Variants in GPRC6A observed in about 807,000 individuals in gnomAD.
GPRC6A encodes the protein G protein-coupled receptor family C group 6 member A.
Under a neutral mutation model 47.0 loss-of-function variants are expected in GPRC6A, and 54 were observed. The ratio of observed to expected loss-of-function variants is 1.15; its 90% confidence interval spans 0.92 to 1.44. The LOEUF (loss-of-function observed/expected upper bound fraction) is 1.44. Among genes scored for constraint, GPRC6A ranks in the 40% most tolerant of loss-of-function variants. GPRC6A has a pLI of 0.00. For missense variants in GPRC6A, 1,112 were observed against 1,105.5 expected (o/e 1.01, Z -0.08); for synonymous variants, 347 against 377.1 (o/e 0.92, Z 0.93).
chr6:116,797,311 A>G (rs890329491), intron 4 of GPRC6A, among the ~76,000 whole-genome samples: 13 of 152,140 alleles, frequency 8.5e-5, no homozygotes, highest in Non-Finnish European at 1.6e-4. Flanking sequence ...ATAAAGCCAG[A>G]CATTGTTAGG....
At chr6:116,795,870 AT>A (rs1232546600) in intron 4 of GPRC6A, 35 bp from the exon 5 acceptor site, 2 of 1,446,198 alleles carry the variant, frequency 1.4e-6, no homozygotes, top group African/African-American at 1.4e-5. Context: ...TCACAAGTAA[AT>A]TTGTAAAAAA....
At position 116,806,975 on chromosome 6, in the gene GPRC6A, C is replaced by A. The variant is rs1772866829; in HGVS notation, c.730G>T (p.Val244Phe). 2.5e-6 allele frequency: 4 copies of A among 1,613,530 alleles called. No individual in the cohort carries two copies. The highest frequency in any genetic ancestry group is 1.1e-5 in the South Asian group (1 of 91,064). The change falls in exon 3 of 6, where the codon GTT becomes TTT. Residue 244 changes from valine (V) to phenylalanine (F), a missense_variant. Coordinates refer to ENST00000310357, the MANE Select transcript of GPRC6A (RefSeq NM_148963.4). ...ANNVCIAFKE[V>F]LPAFLSDNTI... is the part of the protein sequence containing the mutation. ...TTATCTGAAAGAAAGGCTGGAAGAA[C>A]CTCTTTGAAGGCTATGCACACGTTA... is the stretch of plus-strand genomic sequence containing the variant.
Position 116,792,332 on chromosome 6 carries a change from A to G in GPRC6A, c.2591T>C (p.Ile864Thr), listed in dbSNP as rs750092727. ...YSYSSHSVSS[I>T]ALSPASLDSM... is the part of the protein sequence containing the mutation. ...GTCCAGTGAAGCAGGACTCAGGGCA[A>G]TGCTGCTCACACTATGGGAAGAATA... Residue 864 changes from isoleucine (I) to threonine (T), a missense_variant, in exon 6 of 6, where the codon ATT becomes ACT. Coordinates refer to ENST00000310357, the MANE Select transcript of GPRC6A (RefSeq NM_148963.4). 1.2e-6 allele frequency: 2 copies of G among 1,614,064 alleles called. No homozygotes were observed. The highest frequency in any genetic ancestry group is 2.2e-5 in the South Asian group (2 of 91,078).
chr6:116,827,811 C>T (rs564531891), intron 1 of GPRC6A, among the ~76,000 whole-genome samples: 1 of 151,754 alleles, frequency 6.6e-6, no homozygotes, highest in African/African-American at 2.4e-5. Flanking sequence ...GCTAAAAGTG[C>T]CCAACTTTTA....
chr6:116,807,837 T>A (rs2076834229), intron 2 of GPRC6A, among the ~76,000 whole-genome samples: 1 of 152,200 alleles, frequency 6.6e-6, no homozygotes, highest in African/African-American at 2.4e-5. Flanking sequence ...TTCTGACTCC[T>A]GATGAAGTCA....
In GPRC6A at chr6:116,793,060, T is replaced by A. The variant is rs6924002; in HGVS notation, c.1863A>T (p.Thr621=). Residue 621 remains threonine, a synonymous_variant, in exon 6 of 6, where the codon ACA becomes ACT. Transcript: ENST00000310357. Reference sequence around the variant, plus strand: ...ATCCCCCGGATGATTTCACAACAGGTGTGTTCAGGTTTCTTGTAAATATTA... The same window carrying A: ...ATCCCCCGGATGATTTCACAACAGGAGTGTTCAGGTTTCTTGTAAATATTA... The part of the protein sequence containing the change: ...VGIIFTRNLN[T]PVVKSSGGLR... The A allele has an allele frequency of 0.32, 508,388 of 1,613,426 alleles. 82,765 individuals carry two copies. The highest frequency in any genetic ancestry group is 0.52 in the East Asian group (23,394 of 44,850).
intron 4 of GPRC6A, among the ~76,000 whole-genome samples, chr6:116,797,166 G>C (rs1181282514): frequency 6.6e-6 from 1 of 151,986 alleles, no homozygotes; most frequent in African/African-American, 2.4e-5. Context: ...AGTTTACTGA[G>C]AATGATGATT....
At chr6:116,812,924 A>T (rs1009411948) in intron 1 of GPRC6A, among the ~76,000 whole-genome samples, 5 of 152,224 alleles carry the variant, frequency 3.3e-5, no homozygotes, top group Non-Finnish European at 7.3e-5. Flanking sequence ...AGAATACAAA[A>T]TCAATGTGCA....
At chr6:116,816,584 G>C (rs927387154) in intron 1 of GPRC6A, among the ~76,000 whole-genome samples, 1 of 152,194 alleles carries the variant, frequency 6.6e-6, no homozygotes, top group African/African-American at 2.4e-5. Flanking sequence ...CAGCATGAGC[G>C]ACGCAGAAGA....
At chr6:116,795,264 A>G (rs1512655) in intron 5 of GPRC6A, among the ~76,000 whole-genome samples, 112,282 of 152,032 alleles carry the variant, frequency 0.74, 41,689 homozygotes, top group Middle Eastern at 0.84. Context: ...GAAATAATAA[A>G]AGTGCCAGGA....
At chr6:116,820,225 C>T (rs978449891) in intron 1 of GPRC6A, among the ~76,000 whole-genome samples, 4 of 152,040 alleles carry the variant, frequency 2.6e-5, no homozygotes, top group African/African-American at 9.7e-5. Context: ...AATAGTTTAC[C>T]AACCAAAAAG....
intron 1 of GPRC6A, among the ~76,000 whole-genome samples, chr6:116,823,507 A>T (rs1485024491): frequency 6.6e-6 from 1 of 152,118 alleles, no homozygotes; most frequent in Admixed American, 6.6e-5. Context: ...GTCTCTAGGA[A>T]GTTCCAAAGT....
In GPRC6A at chr6:116,795,739, G is replaced by A; in HGVS notation, c.1645C>T (p.Pro549Ser). The A allele has an allele frequency of 6.2e-7, 1 of 1,610,286 alleles. No homozygotes were observed. Among genetic ancestry groups the A allele is most frequent in the African/African-American group, 1.3e-5 (1 of 74,892 alleles). Residue 549 changes from proline to serine, a missense_variant, in exon 5 of 6, where the codon CCT becomes TCT. Pro to Ser is a moderately conservative substitution (Grantham distance 74). Transcript: ENST00000310357. ...HICCYECQNC[P>S]ENHYTNQTDM... Reference sequence around the variant, plus strand: ...GTCTGATTAGTGTAATGATTTTCAGGACAGTTCTGACATTCATAGCAACAG... The same window carrying A: ...GTCTGATTAGTGTAATGATTTTCAGAACAGTTCTGACATTCATAGCAACAG...
Position 116,793,259 on chromosome 6 carries a change from C to CA in GPRC6A, c.1673-10dup. ...AAGGCAGTGAGGCATATCTAAAAGA[C>CA]AGAGGAGACGCAGTTACATTGTCAA... On this transcript the variant is annotated splice_polypyrimidine_tract_variant and intron_variant, in intron 5 of 5. Transcript: ENST00000310357. The CA allele has an allele frequency of 6.4e-7, 1 of 1,562,370 alleles. No individual in the cohort carries two copies. Among genetic ancestry groups the CA allele is most frequent in the Non-Finnish European group, 8.6e-7 (1 of 1,156,386 alleles).
Position 116,823,074 on chromosome 6 carries a change from C to T in GPRC6A, c.194+5746G>A, listed in dbSNP as rs556202452. On this transcript the variant is annotated intron_variant, in intron 1 of 5. Transcript: ENST00000310357. ...AAATTTTTGCAGCCAGCTTCAATTCCTCCCCCAGAAATTTTTGTTTGTTTG... is the reference window on the plus strand; with the variant it reads ...AAATTTTTGCAGCCAGCTTCAATTCTTCCCCCAGAAATTTTTGTTTGTTTG... Among the ~76,000 whole-genome samples the T allele has an allele frequency of 5.3e-5, 8 of 152,064 alleles. No homozygotes were observed. In the South Asian group the frequency reaches 1.7e-3, roughly 32 times the overall value.
chr6:116,802,064 C>G (rs1772692817), intron 3 of GPRC6A, among the ~76,000 whole-genome samples: 2 of 152,140 alleles, frequency 1.3e-5, no homozygotes, highest in South Asian at 2.1e-4. Flanking sequence ...CTCTTCCACA[C>G]AAGTGTTTGA....
rs1374873967 is a variant in GPRC6A at position 116,806,254 on chromosome 6, A to G, written c.1335+116T>C. On this transcript the variant is annotated intron_variant, in intron 3 of 5. Transcript: ENST00000310357. ...GGTTATTTAAACACTGAAAGTGTCT[A>G]TTTATAAAAGGAATAGGATTAAGAG... 11 of 681,204 alleles carry G rather than the reference A, an allele frequency of 1.6e-5. No individual in the cohort carries two copies. The African/African-American group carries it at 1.8e-4, about 11-fold the overall frequency. The allele number at this position is 681,204 out of a possible 1,614,324, so 42.2% of individuals were successfully genotyped here. A position where few individuals can be genotyped will look rare whatever the true frequency, so the allele number is the denominator to read the frequency against.
intron 1 of GPRC6A, among the ~76,000 whole-genome samples, chr6:116,821,360 T>A (rs1258595766): frequency 3.3e-5 from 5 of 152,100 alleles, no homozygotes; most frequent in Non-Finnish European, 7.4e-5. Flanking sequence ...AAAAAACTAC[T>A]TTAAAGTTCA....
At chr6:116,825,705 A>T (rs886886482) in intron 1 of GPRC6A, among the ~76,000 whole-genome samples, 6 of 151,910 alleles carry the variant, frequency 3.9e-5, no homozygotes, top group Non-Finnish European at 8.8e-5. Flanking sequence ...ACAGATATTT[A>T]AAAAAATCCT....
Sources: gnomAD v4.1 joint callset for allele counts (sites outside exome capture counted in the v4.1 genomes callset) on GRCh38, gnomAD v4.1.1 for gene constraint, MANE v1.5 for transcripts, NCBI Gene and HGNC (gene_info 2026-07-23, HGNC 2026-07-21) for gene names.